The following CCDC180 variants were observed in gnomAD, a reference collection of about 807,000 sequenced individuals.
The protein encoded by CCDC180 is coiled-coil domain-containing protein 180.
CCDC180 carries 154 observed loss-of-function variants against 209.2 expected under a neutral mutation model. The ratio of observed to expected loss-of-function variants is 0.74; its 90% CI spans 0.65 to 0.84. The LOEUF (loss-of-function observed/expected upper bound fraction) is 0.84. Ranked by LOEUF, CCDC180 falls within the 40% of genes least tolerant of loss-of-function variation. CCDC180 has a pLI of 0.00. For missense variants in CCDC180, 1,874 were observed against 1,997.3 expected (o/e 0.94, Z 1.18); for synonymous variants, 778 against 749.1 (o/e 1.04, Z -0.63).
chr9:97,330,427 G>A lies in CCDC180; in HGVS notation c.1934G>A (p.Ser645Asn), dbSNP rs753401263. The A allele has an allele frequency of 1.1e-5, 17 of 1,614,042 alleles. No individual in the cohort carries two copies. The highest frequency in any genetic ancestry group is 3.3e-4 in the Middle Eastern group (2 of 6,084). ...RSEESISSGT[S>N]TARSVEEVEE... The stretch of plus-strand genomic sequence containing the variant: ...GAGGAAAGCATAAGTAGTGGGACAA[G>A]TACTGCCAGGTCAGTAGAAGAGGTG... Residue 645 changes from serine (S) to asparagine (N), a missense_variant, in exon 18 of 37, where the codon AGT becomes AAT. By Grantham distance (46) the Ser-to-Asn change is conservative (BLOSUM62 1). Transcript: ENST00000529487.
chr9:97,323,171 G>A (rs1461555109), intron 12 of CCDC180, among the ~76,000 whole-genome samples: 1 of 152,096 alleles, frequency 6.6e-6, no homozygotes, highest in African/African-American at 2.4e-5. Context: ...CCCCTCCCCA[G>A]CTATCCCTGC....
rs941309130 is a variant in CCDC180 at position 97,362,121 on chromosome 9, A to T, written c.3657-75A>T. The T allele has an allele frequency of 1.9e-5, 30 of 1,545,572 alleles. 1 individual carries two copies. The South Asian group carries it at 2.6e-4, about 13-fold the overall frequency. On this transcript the variant is annotated intron_variant, in intron 27 of 36. Transcript: ENST00000529487. ...GACGTGGCGCTGAGGACTAACTGGG[A>T]TGCTGCTCAGAGCCTGGCCTGAGCT...
chr9:97,364,256 A>G (rs1826856076), intron 29 of CCDC180, 128 bp downstream of exon 29: 4 of 777,936 alleles, frequency 5.1e-6, no homozygotes, highest in Admixed American at 2.6e-5. Context: ...GAGGGGTGAG[A>G]GGAGATAGCA....
intron 18 of CCDC180, among the ~76,000 whole-genome samples, chr9:97,334,229 GA>G (rs1825837551): frequency 6.6e-6 from 1 of 152,112 alleles, no homozygotes; most frequent in African/African-American, 2.4e-5. Flanking sequence ...GCTACTAATG[GA>G]AAAGCTGGGA....
chr9:97,375,937 CAGCAGCAGG>C, intron 36 of CCDC180: 1 of 272,892 alleles, frequency 3.7e-6, no homozygotes, highest in Non-Finnish European at 7.0e-6. Context: ...AGGGGGGACA[CAGCAGCAGG>C]AGCAGTCACA....
At chr9:97,327,600 T>G (rs1480523163) in intron 15 of CCDC180, among the ~76,000 whole-genome samples, 1 of 152,162 alleles carries the variant, frequency 6.6e-6, no homozygotes, top group East Asian at 1.9e-4. Context: ...ATTGCAGTAC[T>G]TAGATTCAGA....
chr9:97,366,545 A>G lies in CCDC180; in HGVS notation c.4048-14A>G. 1.9e-6 allele frequency: 3 copies of G among 1,613,158 alleles called. No individual in the cohort carries two copies. The highest frequency in any genetic ancestry group is 2.5e-6 in the Non-Finnish European group (3 of 1,179,548). On this transcript the variant is annotated splice_polypyrimidine_tract_variant and intron_variant, in intron 30 of 36. Transcript: ENST00000529487. This position sits in a 1 kb window ranked among gnomAD's most constrained non-coding sequence, Gnocchi z 4.3. ...ATGGAGTCCTCACCCGCACATGGTC[A>G]CCCTCTCTGGCAGGAGTTCTACCGT...
At position 97,362,321 on chromosome 9, in the gene CCDC180, C is replaced by T. The variant is rs1345628484; in HGVS notation, c.3782C>T (p.Pro1261Leu). 3 of 1,614,024 alleles carry T rather than the reference C, an allele frequency of 1.9e-6. No individual in the cohort carries two copies. The highest frequency in any genetic ancestry group is 1.6e-4 in the Middle Eastern group (1 of 6,084). Residue 1261 changes from proline to leucine, a missense_variant, in exon 28 of 37, where the codon CCT (proline) becomes CTT (leucine). Transcript: ENST00000529487. ...EAGAGGAVCS[P>L]PVLCSCPGPS... ...GGGGCTGGTGGTGCTGTGTGCTCAC[C>T]TCCTGTCCTCTGCTCCTGTCCTGGG...
chr9:97,368,195 A>G (rs1466952959), intron 31 of CCDC180, among the ~76,000 whole-genome samples: 5 of 152,266 alleles, frequency 3.3e-5, no homozygotes, highest in African/African-American at 9.6e-5. Context: ...AATATTTTAA[A>G]TGCATTAGCA....
At chr9:97,335,285 C>T (rs1167879621) in intron 18 of CCDC180, among the ~76,000 whole-genome samples, 4 of 151,964 alleles carry the variant, frequency 2.6e-5, no homozygotes, top group Non-Finnish European at 4.4e-5. Flanking sequence ...CCCATCAACT[C>T]GTCATTTACA....
Position 97,326,638 on chromosome 9 carries a change from G to C in CCDC180, c.1630G>C (p.Val544Leu). Reference protein sequence around the residue: ...KETLAFHLEKVKDYLKNMKSR... With the variant: ...KETLAFHLEKLKDYLKNMKSR... ...AACACTGGCGTTTCACCTGGAAAAG[G>C]TCAAAGATTATCTGAAGAACATGAA... is the stretch of plus-strand genomic sequence containing the variant. The change falls in exon 15 of 37, where the codon GTC (valine) becomes CTC (leucine). Residue 544 changes from valine (V) to leucine (L), a missense_variant. Coordinates refer to ENST00000529487, the MANE Select transcript of CCDC180 (RefSeq NM_020893.6). 6.2e-7 allele frequency: 1 copy of C among 1,612,874 alleles called. No individual in the cohort carries two copies. The highest frequency in any genetic ancestry group is 8.5e-7 in the Non-Finnish European group (1 of 1,178,900).
chr9:97,330,140 G>C lies in CCDC180; in HGVS notation c.1789-14G>C, dbSNP rs754468203. The C allele has an allele frequency of 1.2e-6, 2 of 1,610,860 alleles. No homozygotes were observed. Among genetic ancestry groups the C allele is most frequent in the South Asian group, 1.1e-5 (1 of 90,972 alleles). ...AGTGCAGGTCCTTCAGTGACTCTTG[G>C]TTTTTCCTTGTAGAACTTGGCTGGA... On this transcript the variant is annotated splice_polypyrimidine_tract_variant and intron_variant, in intron 16 of 36. Coordinates refer to ENST00000529487, the MANE Select transcript of CCDC180 (RefSeq NM_020893.6).
chr9:97,339,575 C>G (rs1826016359), intron 18 of CCDC180, among the ~76,000 whole-genome samples: 1 of 152,218 alleles, frequency 6.6e-6, no homozygotes. Flanking sequence ...ACCTTTCTCT[C>G]TGGCTGCTCT....
chr9:97,354,290 A>G (rs1195476389), intron 22 of CCDC180, among the ~76,000 whole-genome samples: 1 of 152,108 alleles, frequency 6.6e-6, no homozygotes, highest in Non-Finnish European at 1.5e-5. Context: ...GTTCATGTGG[A>G]ATTCTTACCT....
rs776695119 is a variant in CCDC180, at chr9:97,360,040, A to G, written c.3422A>G (p.Gln1141Arg). ...FVQTWKEKLS[Q>R]RIQYLNCSLD... is the part of the protein sequence containing the mutation. ...CAAACTTGGAAGGAAAAACTGAGCCAGAGGATTCAGTACCTTAACTGCAGC... is the reference window on the plus strand; with the variant it reads ...CAAACTTGGAAGGAAAAACTGAGCCGGAGGATTCAGTACCTTAACTGCAGC... The change falls in exon 26 of 37, where the codon CAG (glutamine) becomes CGG (arginine). Residue 1141 changes from glutamine (Q) to arginine (R), a missense_variant. Physicochemically the swap from Gln to Arg is conservative, Grantham distance 43 (BLOSUM62 1). Coordinates refer to ENST00000529487, the MANE Select transcript of CCDC180 (RefSeq NM_020893.6). The G allele has an allele frequency of 6.2e-7, 1 of 1,614,040 alleles. No individual in the cohort carries two copies.
chr9:97,371,669 G>A lies in CCDC180; in HGVS notation c.4563G>A (p.Leu1521=). The change falls in exon 34 of 37, where the codon TTG becomes TTA. Residue 1521 remains leucine, a synonymous_variant. Coordinates refer to ENST00000529487, the MANE Select transcript of CCDC180 (RefSeq NM_020893.6). Reference sequence around the variant, plus strand: ...TCACCGAGAAGTTCCTACTGCAGTTGGATGAGGTGGTCACCATTGACGATG... The same window carrying A: ...TCACCGAGAAGTTCCTACTGCAGTTAGATGAGGTGGTCACCATTGACGATG... ...ATFTEKFLLQ[L]DEVVTIDDVQ... is the part of the protein sequence containing the mutation. The A allele has an allele frequency of 6.2e-7, 1 of 1,606,398 alleles. No individual in the cohort carries two copies.
At position 97,325,139 on chromosome 9, in the gene CCDC180, G is replaced by A; in HGVS notation, c.1492G>A (p.Glu498Lys). ...HQSELLVQELELEKRMEQHRQ... is the reference protein window; with the variant it reads ...HQSELLVQELKLEKRMEQHRQ... The stretch of plus-strand genomic sequence containing the variant: ...GAGCGAGCTGTTGGTGCAGGAGCTG[G>A]AGCTGGAGAAGAGGATGGAGCAGCA... Residue 498 changes from glutamate to lysine, a missense_variant, in exon 14 of 37, where the codon GAG becomes AAG. By Grantham distance (56) the Glu-to-Lys change is moderately conservative. Transcript: ENST00000529487. The A allele has an allele frequency of 6.2e-7, 1 of 1,612,244 alleles. No individual in the cohort carries two copies. The highest frequency in any genetic ancestry group is 1.1e-5 in the South Asian group (1 of 90,510).
Position 97,371,658 on chromosome 9 carries a change from C to T in CCDC180, c.4552C>T (p.Leu1518=). ...CTTGGCCACCTTCACCGAGAAGTTC[C>T]TACTGCAGTTGGATGAGGTGGTCAC... ...TNLATFTEKF[L]LQLDEVVTID... The change falls in exon 34 of 37, where the codon CTA becomes TTA. Residue 1518 remains leucine, a synonymous_variant. Transcript: ENST00000529487. 2 of 1,608,330 alleles carry T rather than the reference C, an allele frequency of 1.2e-6. No individual in the cohort carries two copies. Among genetic ancestry groups the T allele is most frequent in the East Asian group, 2.2e-5 (1 of 44,744 alleles).
At chr9:97,330,066 C>CA (rs34372293) in intron 16 of CCDC180, 88 bp from the exon 17 acceptor site, 56,613 of 567,808 alleles carry the variant, frequency 0.1, 1,515 homozygotes, top group Admixed American at 0.14. Flanking sequence ...AGACTCCTCT[C>CA]AAAAAAAAAA....
Sources: allele counts gnomAD v4.1 joint callset (sites outside exome capture counted in the v4.1 genomes callset), GRCh38; gene constraint gnomAD v4.1.1; non-coding constraint Gnocchi (gnomAD v3.1); transcripts MANE v1.5; gene names NCBI Gene and HGNC (gene_info 2026-07-23, HGNC 2026-07-21).